Variants in PIEZO2 observed in about 807,000 individuals in gnomAD.
PIEZO2 encodes piezo type mechanosensitive ion channel component 2, also known as piezo-type mechanosensitive ion channel component 2.
A neutral mutation model predicts 337.3 loss-of-function variants in PIEZO2; 172 were observed. That is an observed-to-expected ratio of 0.51 (90% CI 0.45 to 0.58). The LOEUF is 0.58. PIEZO2 is among the 20% of genes least tolerant of loss of function. The pLI is 0.00. For synonymous variants in PIEZO2, 1,251 were observed against 1,228.5 expected (o/e 1.02, Z -0.38); for missense variants, 3,028 against 3,391.3 (o/e 0.89, Z 2.66).
rs2042835356 is a variant in PIEZO2, at chr18:10,894,295, T to C, written c.329+16891A>G. 6.6e-6 allele frequency among the ~76,000 whole-genome samples: 1 copy of C among 150,446 alleles called. No individual in the cohort carries two copies. The highest frequency in any genetic ancestry group is 2.5e-5 in the African/African-American group (1 of 40,238). Reference sequence around the variant, plus strand: ...GGAGAAATCCCCTCTGTACTAAAAATACAAAAAAAACAGCCAGGCGTGGTG... The same window carrying C: ...GGAGAAATCCCCTCTGTACTAAAAACACAAAAAAAACAGCCAGGCGTGGTG... On this transcript the variant is annotated intron_variant, in intron 4 of 55. Coordinates refer to ENST00000674853, the MANE Select transcript of PIEZO2 (RefSeq NM_001378183.1). The surrounding 1 kb of genome is among the most constrained non-coding windows in gnomAD (Gnocchi z 4.1).
chr18:10,801,301 C>T, intron 10 of PIEZO2, 89 bp downstream of exon 10: 1 of 1,155,794 alleles, frequency 8.7e-7, no homozygotes, highest in Non-Finnish European at 1.2e-6. Flanking sequence ...TTTAATAGAT[C>T]ATTAAAATAG....
chr18:11,128,672 T>C lies in PIEZO2; in HGVS notation c.64+19853A>G, dbSNP rs1051846964. Among the ~76,000 whole-genome samples the C allele has an allele frequency of 4.6e-5, 7 of 152,134 alleles. No homozygotes were observed. The highest frequency in any genetic ancestry group is 1.7e-4 in the African/African-American group (7 of 41,420). On this transcript the variant is annotated intron_variant, in intron 1 of 55. Coordinates refer to ENST00000674853, the MANE Select transcript of PIEZO2 (RefSeq NM_001378183.1). This position sits in a 1 kb window ranked among gnomAD's most constrained non-coding sequence, Gnocchi z 4.1. ...CCCCTGAAGCAGTTTCTAGGCAAGA[T>C]AATGTTGATTCTCCTCAGAAGCCTC...
At chr18:10,976,177 C>T (rs1472950588) in intron 3 of PIEZO2, among the ~76,000 whole-genome samples, 1 of 152,180 alleles carries the variant, frequency 6.6e-6, no homozygotes, top group African/African-American at 2.4e-5. Context: ...GTGCTCTGGG[C>T]TGAAAACCTG....
At chr18:10,932,625 GGAAAA>G (rs2032159038) in intron 3 of PIEZO2, among the ~76,000 whole-genome samples, 1 of 151,976 alleles carries the variant, frequency 6.6e-6, no homozygotes, top group African/African-American at 2.4e-5. Context: ...GTTTTAGGAA[GGAAAA>G]GAAAAGGAAA....
intron 3 of PIEZO2, among the ~76,000 whole-genome samples, chr18:10,978,583 T>C (rs2034539270): frequency 6.6e-6 from 1 of 152,200 alleles, no homozygotes; most frequent in Non-Finnish European, 1.5e-5. Flanking sequence ...AGTTTATGTA[T>C]ATAAATTTTA....
At position 10,828,116 on chromosome 18, in the gene PIEZO2, GTTT is replaced by G. The variant is rs1228160526; in HGVS notation, c.918-20845_918-20843del. 2.2e-4 allele frequency among the ~76,000 whole-genome samples: 28 copies of G among 128,388 alleles called. No homozygotes were observed. The highest frequency in any genetic ancestry group is 9.4e-4 in the African/African-American group (28 of 29,774). 84.2% of individuals were successfully genotyped at this position (128,388 alleles called of 152,430 possible). On this transcript the variant is annotated intron_variant, in intron 7 of 55. Transcript: ENST00000674853. The surrounding 1 kb of genome is among the most constrained non-coding windows in gnomAD (Gnocchi z 4.1). ...TAGACAAGCTCGAAATAGCATGACG[GTTT>G]TTTTTTGTTTGTTTGTTTTTGTTTT...
Position 10,672,767 on chromosome 18 carries a change from C to G in PIEZO2, c.8268G>C (p.Pro2756=). 2 of 1,614,046 alleles carry G rather than the reference C, an allele frequency of 1.2e-6. No individual in the cohort carries two copies. The highest frequency in any genetic ancestry group is 1.7e-6 in the Non-Finnish European group (2 of 1,179,994). ...CCACCAGTTCCAGGGCCTGAGAGTTCGGATTGTATATTCTGTTTCCAGTCA... is the reference window on the plus strand; with the variant it reads ...CCACCAGTTCCAGGGCCTGAGAGTTGGGATTGTATATTCTGTTTCCAGTCA... ...LNLTGNRIYN[P]NSQALELVVF... is the part of the protein sequence containing the mutation. The change falls in exon 55 of 56, where the codon CCG becomes CCC. Residue 2756 remains proline (P), a synonymous_variant. Coordinates refer to ENST00000674853, the MANE Select transcript of PIEZO2 (RefSeq NM_001378183.1). The surrounding 1 kb of genome is among the most constrained non-coding windows in gnomAD (Gnocchi z 4.7).
rs1391913101 is a variant in PIEZO2, at chr18:10,794,446, C to T, written c.1758+326G>A. Among the ~76,000 whole-genome samples the T allele has an allele frequency of 6.6e-6, 1 of 152,210 alleles. No individual in the cohort carries two copies. Among genetic ancestry groups the T allele is most frequent in the African/African-American group, 2.4e-5 (1 of 41,452 alleles). On this transcript the variant is annotated intron_variant, in intron 13 of 55. Transcript: ENST00000674853. The surrounding 1 kb of genome is among the most constrained non-coding windows in gnomAD (Gnocchi z 6.6). ...CAAAGACAGTCCTATAATCCCTTAACACATTTTGCACTGTATTTTCCTATT... is the reference window on the plus strand; with the variant it reads ...CAAAGACAGTCCTATAATCCCTTAATACATTTTGCACTGTATTTTCCTATT...
chr18:11,118,883 C>T (rs942606137), intron 1 of PIEZO2, among the ~76,000 whole-genome samples: 1 of 152,168 alleles, frequency 6.6e-6, no homozygotes, highest in Admixed American at 6.5e-5. Context: ...AATATAGACA[C>T]AATCCTACTG....
chr18:10,802,547 T>C (rs2039860789), intron 9 of PIEZO2, among the ~76,000 whole-genome samples: 1 of 152,262 alleles, frequency 6.6e-6, no homozygotes, highest in Non-Finnish European at 1.5e-5. Context: ...ATCTATTTAA[T>C]GTCTAGCTTA....
intron 1 of PIEZO2, among the ~76,000 whole-genome samples, chr18:11,107,987 A>G (rs2039618552): frequency 6.6e-6 from 1 of 152,206 alleles, no homozygotes; most frequent in South Asian, 2.1e-4. Flanking sequence ...AGAAAATCAA[A>G]GTCAACTGGG....
At chr18:10,916,399 T>A (rs1315240527) in intron 3 of PIEZO2, among the ~76,000 whole-genome samples, 4 of 152,074 alleles carry the variant, frequency 2.6e-5, no homozygotes, top group Admixed American at 2.0e-4. Flanking sequence ...GGCTCAGGCA[T>A]GGCAGGCTGC....
At chr18:11,138,030 T>C (rs568997539) in intron 1 of PIEZO2, among the ~76,000 whole-genome samples, 38 of 152,206 alleles carry the variant, frequency 2.5e-4, no homozygotes, top group South Asian at 1.1e-3. Flanking sequence ...ACAGAGTATA[T>C]ATTAGGCTGT....
rs2144993941 is a variant in PIEZO2 at position 10,899,758 on chromosome 18, T to C, written c.329+11428A>G. Among the ~76,000 whole-genome samples, 1 of 152,316 alleles carries C rather than the reference T, an allele frequency of 6.6e-6. No individual in the cohort carries two copies. The highest frequency in any genetic ancestry group is 2.4e-5 in the African/African-American group (1 of 41,576). Reference sequence around the variant, plus strand: ...CTTGAAATGTTTCAGTGACATATAGTTCATCTCTTCATGCCCCTCATGAAA... The same window carrying C: ...CTTGAAATGTTTCAGTGACATATAGCTCATCTCTTCATGCCCCTCATGAAA... On this transcript the variant is annotated intron_variant, in intron 4 of 55. Coordinates refer to ENST00000674853, the MANE Select transcript of PIEZO2 (RefSeq NM_001378183.1). The surrounding 1 kb of genome is among the most constrained non-coding windows in gnomAD (Gnocchi z 4.6).
intron 27 of PIEZO2, among the ~76,000 whole-genome samples, chr18:10,757,235 G>A (rs555863357): frequency 1.3e-4 from 19 of 149,776 alleles, no homozygotes; most frequent in African/African-American, 4.7e-4. Context: ...AGGGAGGAAA[G>A]GGGGATGAGG....
chr18:11,147,888 G>A (rs1222669076), intron 1 of PIEZO2, among the ~76,000 whole-genome samples: 2 of 152,272 alleles, frequency 1.3e-5, no homozygotes, highest in African/African-American at 4.8e-5. Flanking sequence ...AATCTGGAGA[G>A]GGCGGCCGCT....
intron 4 of PIEZO2, among the ~76,000 whole-genome samples, chr18:10,901,173 TC>T (rs2043036978): frequency 6.6e-6 from 1 of 152,172 alleles, no homozygotes; most frequent in South Asian, 2.1e-4. Flanking sequence ...CATCTGATTC[TC>T]TGGTGTTTTC....
intron 2 of PIEZO2, among the ~76,000 whole-genome samples, chr18:10,981,757 C>T (rs910341580): frequency 6.6e-6 from 1 of 152,314 alleles, no homozygotes; most frequent in African/African-American, 2.4e-5. Flanking sequence ...GCCAATGTGG[C>T]TAGGATAAAA....
At chr18:10,971,464 G>C (rs1361576648) in intron 3 of PIEZO2, among the ~76,000 whole-genome samples, 3 of 152,056 alleles carry the variant, frequency 2.0e-5, no homozygotes, top group Non-Finnish European at 2.9e-5. Context: ...TTGACACAAG[G>C]CTGTGACAGG....
Sources: allele counts gnomAD v4.1 joint callset (sites outside exome capture counted in the v4.1 genomes callset), GRCh38; gene constraint gnomAD v4.1.1; non-coding constraint Gnocchi (gnomAD v3.1); transcripts MANE v1.5; gene names NCBI Gene and HGNC (gene_info 2026-07-23, HGNC 2026-07-21).